Variants in CHD9 observed in about 807,000 individuals in gnomAD.
CHD9 encodes the protein chromodomain helicase DNA binding protein 9.
Under a neutral mutation model 316.1 loss-of-function variants are expected in CHD9, and 77 were observed. The ratio of observed to expected loss-of-function variants is 0.24; its 90% CI spans 0.20 to 0.29. The LOEUF (loss-of-function observed/expected upper bound fraction) is 0.29. Among genes scored for constraint, CHD9 ranks in the 10% least tolerant of loss-of-function variants. The pLI, the probability that CHD9 is intolerant of heterozygous loss-of-function variation, is 1.00. For missense variants in CHD9, 2,763 were observed against 3,438.1 expected, an observed-to-expected ratio of 0.80 and a Z score of 4.91; for synonymous variants, 1,129 against 1,158.3, an observed-to-expected ratio of 0.97 and a Z score of 0.51.
chr16:53,121,811 T>C (rs377229597), intron 1 of CHD9: 1 of 153,352 alleles, frequency 6.5e-6, no homozygotes, highest in East Asian at 1.9e-4. Context: ...AGTCCTGTTC[T>C]AAAAAGAACC....
intron 1 of CHD9, among the ~76,000 whole-genome samples, chr16:53,151,516 A>G (rs1174454503): frequency 6.6e-6 from 1 of 152,026 alleles, no homozygotes; most frequent in Non-Finnish European, 1.5e-5. Context: ...TTAGACTCCC[A>G]GAGTGCTGGG....
intron 2 of CHD9, among the ~76,000 whole-genome samples, chr16:53,161,506 G>T (rs778409965): frequency 2.0e-5 from 3 of 152,034 alleles, no homozygotes; most frequent in Admixed American, 6.6e-5. Flanking sequence ...TCTCTTAATT[G>T]TAGTAATTTC....
intron 2 of CHD9, among the ~76,000 whole-genome samples, chr16:53,190,349 C>T (rs779149806): frequency 9.2e-5 from 14 of 152,012 alleles, no homozygotes; most frequent in Non-Finnish European, 1.8e-4. Flanking sequence ...CTACCCAATC[C>T]ATTCAAGCTC....
intron 1 of CHD9, 130 bp from the exon 2 acceptor site, chr16:53,155,796 C>A (rs965380688): frequency 1.3e-5 from 4 of 306,650 alleles, no homozygotes; most frequent in Non-Finnish European, 6.0e-6. Flanking sequence ...TTATATAAAT[C>A]GAGTCATATA....
chr16:53,247,067 G>C (rs2049696810), intron 15 of CHD9, among the ~76,000 whole-genome samples: 1 of 152,180 alleles, frequency 6.6e-6, no homozygotes, highest in Admixed American at 6.5e-5. Context: ...TATCTGAGGA[G>C]ACAAAAAGAT....
At chr16:53,316,391 C>T (rs991688248) in intron 36 of CHD9, among the ~76,000 whole-genome samples, 1 of 152,180 alleles carries the variant, frequency 6.6e-6, no homozygotes, top group Non-Finnish European at 1.5e-5. Flanking sequence ...TTTTTGCCCT[C>T]ATACCTATAC....
intron 3 of CHD9, among the ~76,000 whole-genome samples, chr16:53,219,570 T>A (rs1418833517): frequency 6.6e-6 from 1 of 152,128 alleles, no homozygotes; most frequent in Non-Finnish European, 1.5e-5. Flanking sequence ...AGAAGACTCT[T>A]GTGTCAGGGA....
At chr16:53,222,325 G>A (rs1004964239) in intron 3 of CHD9, among the ~76,000 whole-genome samples, 1 of 152,082 alleles carries the variant, frequency 6.6e-6, no homozygotes, top group Admixed American at 6.5e-5. Context: ...ACCTGCCTCA[G>A]CCTCCCAAAG....
In CHD9 at chr16:53,123,498, A is replaced by G; in HGVS notation, c.-164-32428A>G. On this transcript the variant is annotated intron_variant, in intron 1 of 38. Coordinates refer to ENST00000447540, the MANE Select transcript of CHD9 (RefSeq NM_001308319.2). The stretch of plus-strand genomic sequence containing the variant: ...TCATACTTTTTATTTTTTAATTTTC[A>G]TTATTATTATTATTATTTTGAGACA... Among the ~76,000 whole-genome samples, 2 of 151,344 alleles carry G rather than the reference A, an allele frequency of 1.3e-5. 1 individual carries two copies. Among genetic ancestry groups the G allele is most frequent in the Admixed American group, 1.3e-4 (2 of 15,174 alleles).
rs117548663 is a variant in CHD9, at chr16:53,312,836, A to G, written c.7223-1541A>G. 7.7e-4 allele frequency among the ~76,000 whole-genome samples: 117 copies of G among 152,338 alleles called. 3 individuals carry two copies. In the East Asian group the frequency reaches 0.019, roughly 25 times the overall value. On this transcript the variant is annotated intron_variant, in intron 34 of 38. Transcript: ENST00000447540. ...AAGTTACACAGCTCGCCAGAAGGCAACACCTTCTTCAGGAATACCCAGGAC... is the reference window on the plus strand; with the variant it reads ...AAGTTACACAGCTCGCCAGAAGGCAGCACCTTCTTCAGGAATACCCAGGAC...
intron 1 of CHD9, among the ~76,000 whole-genome samples, chr16:53,069,603 A>G (rs991373578): frequency 3.3e-5 from 5 of 152,084 alleles, no homozygotes; most frequent in African/African-American, 1.2e-4. Context: ...AGACTGTGGT[A>G]TGTATCTGCC....
intron 1 of CHD9, among the ~76,000 whole-genome samples, chr16:53,144,124 G>T (rs1011734662): frequency 6.6e-6 from 1 of 152,022 alleles, no homozygotes; most frequent in African/African-American, 2.4e-5. Flanking sequence ...TAGCTTTCTT[G>T]CATTTATTCT....
intron 2 of CHD9, among the ~76,000 whole-genome samples, chr16:53,189,156 T>C (rs533445692): frequency 5.9e-5 from 9 of 152,234 alleles, no homozygotes; most frequent in African/African-American, 2.2e-4. Context: ...TTTTATTGCT[T>C]TTTCTCTTCT....
intron 2 of CHD9, among the ~76,000 whole-genome samples, chr16:53,165,306 G>C (rs921571190): frequency 6.6e-6 from 1 of 152,166 alleles, no homozygotes; most frequent in Non-Finnish European, 1.5e-5. Context: ...TTTAGCTCCT[G>C]AGTGGCAATT....
intron 2 of CHD9, among the ~76,000 whole-genome samples, chr16:53,175,208 G>T (rs964618509): frequency 1.3e-5 from 2 of 152,112 alleles, no homozygotes; most frequent in African/African-American, 4.8e-5. Context: ...ACCCTCTGAA[G>T]ATCTCTGGAG....
chr16:53,273,499 A>T, intron 22 of CHD9, 127 bp from the exon 23 acceptor site: 1 of 616,046 alleles, frequency 1.6e-6, no homozygotes, highest in Non-Finnish European at 2.8e-6. Context: ...CAGTATTGTT[A>T]CTAATATTTT....
In CHD9 at chr16:53,324,385, A is replaced by C; in HGVS notation, c.8184A>C (p.Gly2728=). The C allele has an allele frequency of 6.2e-7, 1 of 1,613,988 alleles. No homozygotes were observed. Among genetic ancestry groups the C allele is most frequent in the Non-Finnish European group, 8.5e-7 (1 of 1,179,886 alleles). The stretch of plus-strand genomic sequence containing the variant: ...GATTACCAAATCTGTTGGGCATGGG[A>C]GGACTCCTGACAAAGCCTACGGAAT... ...MAGLPNLLGM[G]GLLTKPTESG... is the part of the protein sequence containing the mutation. Residue 2728 remains glycine (G), a synonymous_variant, in exon 39 of 39, where the codon GGA becomes GGC. Transcript: ENST00000447540.
At position 53,326,907 on chromosome 16, in the gene CHD9, G is replaced by A. The variant is rs1451118071; in HGVS notation, c.*2012G>A. 2 of 148,900 alleles carry A rather than the reference G, an allele frequency of 1.3e-5. No individual in the cohort carries two copies. Among genetic ancestry groups the A allele is most frequent in the Non-Finnish European group, 3.0e-5 (2 of 67,328 alleles). 9.2% of individuals were successfully genotyped at this position (148,900 alleles called of 1,614,324 possible). On this transcript the variant is annotated 3_prime_UTR_variant, in exon 39 of 39. Transcript: ENST00000447540. ...AAAGGAAAAAAAATCTGTAGATCTT[G>A]TCACTAAAATCTAATTTATATCAAA...
intron 21 of CHD9, 38 bp downstream of exon 21, chr16:53,267,528 G>T (rs1336730760): frequency 2.2e-6 from 3 of 1,382,988 alleles, no homozygotes; most frequent in Non-Finnish European, 2.0e-6. Context: ...TAAGTAGTCT[G>T]GTATGTAATG....
Sources: gnomAD v4.1 joint callset for allele counts (sites outside exome capture counted in the v4.1 genomes callset) on GRCh38, gnomAD v4.1.1 for gene constraint, MANE v1.5 for transcripts, NCBI Gene and HGNC (gene_info 2026-07-23, HGNC 2026-07-21) for gene names.